SLC35D2: variants seen among roughly 807,000 people sequenced by gnomAD.
The protein encoded by SLC35D2 is solute carrier family 35 member D2.
In SLC35D2, 43 loss-of-function variants were observed where a neutral mutation model predicts 41.8. That is an observed-to-expected ratio of 1.03 (90% CI 0.81 to 1.33). The LOEUF is 1.33. SLC35D2 is among the 40% of genes most tolerant of loss of function. The pLI is 0.00. For synonymous variants in SLC35D2, 150 were observed against 163.9 expected (o/e 0.92, Z 0.65); for missense variants, 380 against 408.4 (o/e 0.93, Z 0.60).
At chr9:96,339,578 T>G (rs1829220336) in intron 8 of SLC35D2, among the ~76,000 whole-genome samples, 1 of 152,220 alleles carries the variant, frequency 6.6e-6, no homozygotes, top group Admixed American at 6.5e-5. Flanking sequence ...ATAAAGCCCT[T>G]CTTCCTTTAG....
chr9:96,329,081 T>TC (rs1325797582), intron 9 of SLC35D2, among the ~76,000 whole-genome samples: 1 of 131,556 alleles, frequency 7.6e-6, no homozygotes, highest in Non-Finnish European at 1.6e-5. Context: ...AGAGTGAGAC[T>TC]CCATCTCAAA....
chr9:96,341,643 C>A (rs975274738), intron 8 of SLC35D2, among the ~76,000 whole-genome samples: 1 of 152,120 alleles, frequency 6.6e-6, no homozygotes, highest in African/African-American at 2.4e-5. Context: ...TTATTATTAT[C>A]ACATGAGAAA....
chr9:96,361,627 G>A (rs1830281570), intron 3 of SLC35D2, among the ~76,000 whole-genome samples: 1 of 151,974 alleles, frequency 6.6e-6, no homozygotes, highest in Non-Finnish European at 1.5e-5. Context: ...CGAAGCTGCA[G>A]TGAGCTGTGG....
chr9:96,373,698 AAAAAC>A, intron 1 of SLC35D2, among the ~76,000 whole-genome samples: 2 of 152,084 alleles, frequency 1.3e-5, no homozygotes, highest in Non-Finnish European at 2.9e-5. Flanking sequence ...AAAAAAAAAA[AAAAAC>A]AATTTGAGCT....
intron 2 of SLC35D2, among the ~76,000 whole-genome samples, chr9:96,364,840 G>T (rs1318067029): frequency 6.6e-6 from 1 of 151,950 alleles, no homozygotes; most frequent in African/African-American, 2.4e-5. Flanking sequence ...ATTACTTGAG[G>T]TCAGGAGCTC....
At chr9:96,336,571 G>A in intron 9 of SLC35D2, 146 bp downstream of exon 9, 1 of 597,972 alleles carries the variant, frequency 1.7e-6, no homozygotes, top group South Asian at 2.5e-5. Context: ...CTGGGTCCCT[G>A]ACACCTCCTT....
chr9:96,352,147 G>A (rs1813383853), intron 4 of SLC35D2, 38 bp from the exon 5 acceptor site: 3 of 1,445,714 alleles, frequency 2.1e-6, no homozygotes, highest in African/African-American at 1.4e-5. Context: ...GACACCAAGG[G>A]TTGGTTGATT....
chr9:96,364,807 C>T (rs1830412519), intron 2 of SLC35D2, among the ~76,000 whole-genome samples: 1 of 152,002 alleles, frequency 6.6e-6, no homozygotes, highest in African/African-American at 2.4e-5. Context: ...AATCACAGCA[C>T]TTTGGGAGGC....
intron 8 of SLC35D2, among the ~76,000 whole-genome samples, chr9:96,341,521 G>A (rs1435514902): frequency 1.3e-5 from 2 of 152,168 alleles, no homozygotes; most frequent in Non-Finnish European, 2.9e-5. Context: ...TTGCCTATAC[G>A]ATAGAAATAG....
chr9:96,378,915 C>T lies in SLC35D2; in HGVS notation c.158+4562G>A, dbSNP rs973879334. 1.1e-4 allele frequency among the ~76,000 whole-genome samples: 17 copies of T among 150,690 alleles called. No homozygotes were observed. In the Admixed American group the frequency reaches 1.1e-3, roughly 10 times the overall value. ...CCGCGCTCCAGCCTGGGCAACAGAA[C>T]AAGACCCAGTCTCAAAAGAAAGAAG... On this transcript the variant is annotated intron_variant, in intron 1 of 11. Coordinates refer to ENST00000253270, the MANE Select transcript of SLC35D2 (RefSeq NM_007001.3).
chr9:96,316,962 C>T (rs1332509700), downstream of SLC35D2, among the ~76,000 whole-genome samples: 1 of 151,962 alleles, frequency 6.6e-6, no homozygotes, highest in Non-Finnish European at 1.5e-5. Flanking sequence ...CATGGTGAAA[C>T]CCCGTCTCTA....
At chr9:96,347,308 G>A (rs777757040) in intron 6 of SLC35D2, among the ~76,000 whole-genome samples, 2 of 152,102 alleles carry the variant, frequency 1.3e-5, no homozygotes, top group Non-Finnish European at 2.9e-5. Context: ...CCTACTCAGG[G>A]GACCAAGAGT....
intron 9 of SLC35D2, among the ~76,000 whole-genome samples, chr9:96,327,793 T>A (rs1005631416): frequency 1.3e-5 from 2 of 151,880 alleles, no homozygotes; most frequent in Admixed American, 6.6e-5. Context: ...GGCTAATTTT[T>A]AAATTTTTTC....
chr9:96,348,778 A>G (rs1204829790), intron 6 of SLC35D2, among the ~76,000 whole-genome samples: 1 of 152,158 alleles, frequency 6.6e-6, no homozygotes, highest in Non-Finnish European at 1.5e-5. Flanking sequence ...AGGAACCCCG[A>G]TTTACCCTTT....
intron 2 of SLC35D2, among the ~76,000 whole-genome samples, chr9:96,367,466 T>A (rs1830518615): frequency 6.6e-6 from 1 of 152,122 alleles, no homozygotes; most frequent in African/African-American, 2.4e-5. Context: ...ATGGGAAATT[T>A]CAGAAACTGC....
rs1412741489 is a variant in SLC35D2 at position 96,345,324 on chromosome 9, T to C, written c.566A>G (p.Tyr189Cys). The change falls in exon 7 of 12, where the codon TAT becomes TGT. Residue 189 changes from tyrosine to cysteine, a missense_variant. Physicochemically the swap from Tyr to Cys is radical, Grantham distance 194 (BLOSUM62 -2). Coordinates refer to ENST00000253270, the MANE Select transcript of SLC35D2 (RefSeq NM_007001.3). Reference sequence around the variant, plus strand: ...CTTTGGGTCCATTTTCTGTTTGGTATAAACTCCATTTGCTGCTGTGAAGAT... The same window carrying C: ...CTTTGGGTCCATTTTCTGTTTGGTACAAACTCCATTTGCTGCTGTGAAGAT... ...NDIFTAANGV[Y>C]TKQKMDPKEL... 6.2e-7 allele frequency: 1 copy of C among 1,610,142 alleles called. No individual in the cohort carries two copies. Among genetic ancestry groups the C allele is most frequent in the Non-Finnish European group, 8.5e-7 (1 of 1,177,304 alleles).
At chr9:96,364,266 C>T (rs1454601905) in intron 3 of SLC35D2, among the ~76,000 whole-genome samples, 198 bp downstream of exon 3, 1 of 152,098 alleles carries the variant, frequency 6.6e-6, no homozygotes, top group Non-Finnish European at 1.5e-5. Context: ...ACCCAGGAGG[C>T]GGAGATTGCA....
At chr9:96,381,467 A>G (rs1831195691) in intron 1 of SLC35D2, among the ~76,000 whole-genome samples, 1 of 152,020 alleles carries the variant, frequency 6.6e-6, no homozygotes, top group South Asian at 2.1e-4. Flanking sequence ...CCCGTCCCCC[A>G]GTGTGGCTTA....
chr9:96,342,831 C>T (rs1829395980), intron 8 of SLC35D2, among the ~76,000 whole-genome samples: 1 of 152,174 alleles, frequency 6.6e-6, no homozygotes, highest in Non-Finnish European at 1.5e-5. Flanking sequence ...TGCAGCCTTT[C>T]AGAGTCACTC....
Sources: gnomAD v4.1 joint callset for allele counts (sites outside exome capture counted in the v4.1 genomes callset) on GRCh38, gnomAD v4.1.1 for gene constraint, MANE v1.5 for transcripts, NCBI Gene and HGNC (gene_info 2026-07-23, HGNC 2026-07-21) for gene names.